The following FLRT2 variants were observed in gnomAD, a reference collection of about 807,000 sequenced individuals.
FLRT2 encodes the protein fibronectin leucine rich transmembrane protein 2.
In FLRT2, 15 loss-of-function variants were observed where a neutral mutation model predicts 40.0. That is an observed-to-expected ratio of 0.38 (90% CI 0.25 to 0.58). The LOEUF (loss-of-function observed/expected upper bound fraction) is 0.58. Among genes scored for constraint, FLRT2 ranks in the 20% least tolerant of loss-of-function variants. The pLI, the probability that FLRT2 is intolerant of heterozygous loss-of-function variation, is 0.71. For synonymous variants in FLRT2, 380 were observed against 336.8 expected, an observed-to-expected ratio of 1.13 and a Z score of -1.41; for missense variants, 726 against 840.0, an observed-to-expected ratio of 0.86 and a Z score of 1.68.
In FLRT2 at chr14:85,623,021, G is replaced by A. The variant is rs149005998; in HGVS notation, c.1507G>A (p.Ala503Thr). 207 of 1,614,038 alleles carry A rather than the reference G, an allele frequency of 1.3e-4. No individual in the cohort carries two copies. The highest frequency in any genetic ancestry group is 1.6e-4 in the Middle Eastern group (1 of 6,084). ...GCCACTGGATGCTTTTAACTACCGC[G>A]CGGTAGAAGACACCATTTGTTCAGA... ...LVPLDAFNYRAVEDTICSEAT... is the reference protein window; with the variant it reads ...LVPLDAFNYRTVEDTICSEAT... The change falls in exon 2 of 2, where the codon GCG (alanine) becomes ACG (threonine). Residue 503 changes from alanine to threonine, a missense_variant. Ala to Thr is a moderately conservative substitution (Grantham distance 58). This residue lies in a region of FLRT2 where 611 missense variants were observed against 690.0 expected (regional missense o/e 0.89). Coordinates refer to ENST00000330753, the MANE Select transcript of FLRT2 (RefSeq NM_013231.6).
chr14:85,646,499 G>A lies in FLRT2; in HGVS notation c.*23002G>A, dbSNP rs962255673. On this transcript the variant is annotated 3_prime_UTR_variant, in exon 2 of 2. Coordinates refer to ENST00000330753, the MANE Select transcript of FLRT2 (RefSeq NM_013231.6). ...GAGGAAAGGATGAAGTAGGTTTGCA[G>A]TCCTCTTAGAAGAAGGTAAAAGTGG... 2.6e-5 allele frequency: 4 copies of A among 152,226 alleles called. No individual in the cohort carries two copies. The highest frequency in any genetic ancestry group is 9.6e-5 in the African/African-American group (4 of 41,454). The allele number at this position is 152,226 out of a possible 1,614,324, so 9.4% of individuals were successfully genotyped here.
chr14:85,586,621 C>G (rs766717319), intron 1 of FLRT2, among the ~76,000 whole-genome samples: 47 of 151,920 alleles, frequency 3.1e-4, no homozygotes, highest in Admixed American at 6.6e-4. Context: ...TGTGCCAATT[C>G]TTACACAGTT....
chr14:85,618,223 G>T (rs906312782), intron 1 of FLRT2, among the ~76,000 whole-genome samples: 2 of 152,042 alleles, frequency 1.3e-5, no homozygotes, highest in African/African-American at 4.8e-5. Flanking sequence ...TTGTTTCTTA[G>T]CCCCTAATAC....
At chr14:85,542,382 G>A (rs947302032) in intron 1 of FLRT2, among the ~76,000 whole-genome samples, 8 of 151,890 alleles carry the variant, frequency 5.3e-5, no homozygotes, top group African/African-American at 1.7e-4. Flanking sequence ...CTGTGAATCC[G>A]TAAATTTATT....
chr14:85,557,971 C>T (rs1339188021), intron 1 of FLRT2, among the ~76,000 whole-genome samples: 6 of 147,764 alleles, frequency 4.1e-5, no homozygotes, highest in South Asian at 2.1e-4. Context: ...AAATGAAACA[C>T]GTAATGTAGA....
chr14:85,534,895 T>A (rs1888552377), intron 1 of FLRT2, among the ~76,000 whole-genome samples: 2 of 150,336 alleles, frequency 1.3e-5, no homozygotes, highest in South Asian at 4.3e-4. Context: ...CAGCGTTTGC[T>A]GCTATCTTTA....
chr14:85,579,401 G>C (rs962496443), intron 1 of FLRT2, among the ~76,000 whole-genome samples: 1 of 152,098 alleles, frequency 6.6e-6, no homozygotes, highest in Non-Finnish European at 1.5e-5. Context: ...ACTGTGACAA[G>C]TAGCCGCCAC....
rs11298272 is a variant in FLRT2, at chr14:85,612,061, C to CA, written c.-376-9055dup. Among the ~76,000 whole-genome samples the CA allele has an allele frequency of 2.7e-3, 167 of 62,294 alleles. 11 individuals are homozygous for CA. Among genetic ancestry groups the CA allele is most frequent in the Middle Eastern group, 0.019 (1 of 52 alleles). 40.9% of individuals were successfully genotyped at this position (62,294 alleles called of 152,430 possible). A position where few individuals can be genotyped will look rare whatever the true frequency, so the allele number is the denominator to read the frequency against. On this transcript the variant is annotated intron_variant, in intron 1 of 1. Transcript: ENST00000330753. Reference sequence around the variant, plus strand: ...CTGAGTCAGAATGTAACTTACTTTTCAAAAAAAAAAAAAAAAAAAAAAAGA... The same window carrying CA: ...CTGAGTCAGAATGTAACTTACTTTTCAAAAAAAAAAAAAAAAAAAAAAAAGA...
chr14:85,541,344 A>T (rs1019342361), intron 1 of FLRT2, among the ~76,000 whole-genome samples: 4 of 152,140 alleles, frequency 2.6e-5, no homozygotes, highest in African/African-American at 9.7e-5. Context: ...GTAAGGCATG[A>T]TCCCTCCACT....
At position 85,647,869 on chromosome 14, in the gene FLRT2, A is replaced by C. The variant is rs751803955; in HGVS notation, c.*24372A>C. On this transcript the variant is annotated 3_prime_UTR_variant, in exon 2 of 2. Coordinates refer to ENST00000330753, the MANE Select transcript of FLRT2 (RefSeq NM_013231.6). ...AGTCACAGTGCTAGGTGAGGTCAAA[A>C]GTAATATGAAATAGGAAGAGGATAA... The C allele has an allele frequency of 3.3e-5, 5 of 152,164 alleles. No homozygotes were observed. The highest frequency in any genetic ancestry group is 7.3e-5 in the Non-Finnish European group (5 of 68,032). 9.4% of individuals were successfully genotyped at this position (152,164 alleles called of 1,614,324 possible).
At chr14:85,607,573 G>A (rs542345646) in intron 1 of FLRT2, among the ~76,000 whole-genome samples, 2 of 152,154 alleles carry the variant, frequency 1.3e-5, no homozygotes, top group Non-Finnish European at 1.5e-5. Flanking sequence ...TGTTTTTGGG[G>A]AGGCCTGGAA....
Position 85,622,014 on chromosome 14 carries a change from C to A in FLRT2, c.500C>A (p.Ser167Tyr). 6.2e-7 allele frequency: 1 copy of A among 1,610,110 alleles called. No individual in the cohort carries two copies. The highest frequency in any genetic ancestry group is 8.5e-7 in the Non-Finnish European group (1 of 1,178,248). ...EAISLKLLFL[S>Y]KNHLSSVPVG... Reference sequence around the variant, plus strand: ...ATTAGCCTCAAATTGTTGTTTTTGTCTAAGAATCACCTGAGCAGTGTGCCT... The same window carrying A: ...ATTAGCCTCAAATTGTTGTTTTTGTATAAGAATCACCTGAGCAGTGTGCCT... Residue 167 changes from serine to tyrosine, a missense_variant, in exon 2 of 2, where the codon TCT (serine) becomes TAT (tyrosine). Coordinates refer to ENST00000330753, the MANE Select transcript of FLRT2 (RefSeq NM_013231.6).
Position 85,588,457 on chromosome 14 carries a change from GTT to G in FLRT2, c.-376-32668_-376-32667del, listed in dbSNP as rs11324915. ...TGATCCAGTTCCTATCACTAGCTCA[GTT>G]TTTTTTTTTTTTTAATTTTTACTTT... On this transcript the variant is annotated intron_variant, in intron 1 of 1. Transcript: ENST00000330753. Among the ~76,000 whole-genome samples, 670 of 147,312 alleles carry G rather than the reference GTT, an allele frequency of 4.5e-3. 4 individuals carry two copies. The highest frequency in any genetic ancestry group is 0.011 in the African/African-American group (456 of 40,368).
chr14:85,651,550 T>G lies in FLRT2; in HGVS notation c.*28053T>G, dbSNP rs1172159006. On this transcript the variant is annotated 3_prime_UTR_variant, in exon 2 of 2. Transcript: ENST00000330753. Reference sequence around the variant, plus strand: ...CTCTATATTATTAATTGGGAAGATTTTAGAATACTTAACGTATGTTTTCTA... The same window carrying G: ...CTCTATATTATTAATTGGGAAGATTGTAGAATACTTAACGTATGTTTTCTA... 3 of 152,106 alleles carry G rather than the reference T, an allele frequency of 2.0e-5. No individual in the cohort carries two copies. The highest frequency in any genetic ancestry group is 4.4e-5 in the Non-Finnish European group (3 of 67,980). The allele number at this position is 152,106 out of a possible 1,614,324, so 9.4% of individuals were successfully genotyped here.
Position 85,637,152 on chromosome 14 carries a change from C to T in FLRT2, c.*13655C>T, listed in dbSNP as rs1176995872. ...TTTTCTGGCATGGGTACAAATGTAA[C>T]TAATCAAGTGTAATTTATAAACTAT... On this transcript the variant is annotated 3_prime_UTR_variant, in exon 2 of 2. Transcript: ENST00000330753. 4.6e-5 allele frequency: 7 copies of T among 151,980 alleles called. No homozygotes were observed. Among genetic ancestry groups the T allele is most frequent in the Admixed American group, 3.3e-4 (5 of 15,274 alleles). 9.4% of individuals were successfully genotyped at this position (151,980 alleles called of 1,614,324 possible).
At chr14:85,557,424 A>T (rs1356354131) in intron 1 of FLRT2, among the ~76,000 whole-genome samples, 1 of 152,192 alleles carries the variant, frequency 6.6e-6, no homozygotes, top group Non-Finnish European at 1.5e-5. Flanking sequence ...TTCAGGTTAC[A>T]TTAGGAATAT....
chr14:85,555,120 A>C (rs1375523582), intron 1 of FLRT2, among the ~76,000 whole-genome samples: 1 of 152,242 alleles, frequency 6.6e-6, no homozygotes, highest in East Asian at 1.9e-4. Context: ...AGGTGGTAGC[A>C]TACTAAAGCT....
chr14:85,619,913 G>T (rs769176442), intron 1 of FLRT2, among the ~76,000 whole-genome samples: 5 of 152,208 alleles, frequency 3.3e-5, no homozygotes, highest in Non-Finnish European at 7.4e-5. Flanking sequence ...TTTGCTAAAA[G>T]ACCTCCTATA....
chr14:85,570,680 C>G (rs2139860640), intron 1 of FLRT2, among the ~76,000 whole-genome samples: 1 of 151,878 alleles, frequency 6.6e-6, no homozygotes, highest in East Asian at 1.9e-4. Context: ...CTCCTGGGTT[C>G]ATGCCATTCT....
Sources: allele counts gnomAD v4.1 joint callset (sites outside exome capture counted in the v4.1 genomes callset), GRCh38; gene constraint gnomAD v4.1.1; regional missense constraint gnomAD v4.1.1; transcripts MANE v1.5; gene names NCBI Gene and HGNC (gene_info 2026-07-23, HGNC 2026-07-21).